APBB1: variants seen among roughly 807,000 people sequenced by gnomAD.
APBB1 encodes the protein adaptor protein FE65a2.
In APBB1, 22 loss-of-function variants were observed where a neutral mutation model predicts 78.4. The ratio of observed to expected loss-of-function variants is 0.28; its 90% CI spans 0.20 to 0.40. The LOEUF (loss-of-function observed/expected upper bound fraction) is 0.40. Among genes scored for constraint, APBB1 ranks in the 10% least tolerant of loss-of-function variants. The probability of loss-of-function intolerance (pLI) is 1.00; values close to 1 mark genes in which losing one functional copy is unlikely to be tolerated. For missense variants in APBB1, 749 were observed against 932.4 expected (o/e 0.80, Z 2.56); for synonymous variants, 369 against 372.7 (o/e 0.99, Z 0.12).
intron 8 of APBB1, 34 bp from the exon 9 acceptor site, chr11:6,402,016 G>A: frequency 1.2e-5 from 19 of 1,599,040 alleles, no homozygotes; most frequent in Non-Finnish European, 1.6e-5. Flanking sequence ...GCAAATAACA[G>A]AGTTAGAGAG....
At position 6,395,762 on chromosome 11, in the gene APBB1, C is replaced by T. The variant is rs1488435309; in HGVS notation, c.1965+24G>A. ...ACCTCCCATGGGGCCACGCCACCAC[C>T]ACACCACCCTACTAGTAGCTTACCA... On this transcript the variant is annotated intron_variant, in intron 14 of 14. Transcript: ENST00000609360. The surrounding 1 kb of genome is among the most constrained non-coding windows in gnomAD (Gnocchi z 5.2). 1 of 1,606,862 alleles carries T rather than the reference C, an allele frequency of 6.2e-7. No homozygotes were observed. Among genetic ancestry groups the T allele is most frequent in the Admixed American group, 1.7e-5 (1 of 59,470 alleles).
intron 1 of APBB1, among the ~76,000 whole-genome samples, chr11:6,417,680 T>C (rs931388754): frequency 4.6e-5 from 7 of 152,180 alleles, no homozygotes; most frequent in Non-Finnish European, 8.8e-5. Flanking sequence ...TTAACTTTGG[T>C]GGCAGTGAGG....
At chr11:6,417,633 T>G (rs1849153278) in intron 1 of APBB1, among the ~76,000 whole-genome samples, 1 of 152,212 alleles carries the variant, frequency 6.6e-6, no homozygotes, top group South Asian at 2.1e-4. Context: ...GGTATGCTAT[T>G]AAAGTAGTCA....
At chr11:6,397,885 G>A (rs1001059431) in intron 12 of APBB1, among the ~76,000 whole-genome samples, 11 of 152,256 alleles carry the variant, frequency 7.2e-5, no homozygotes, top group African/African-American at 2.7e-4. Flanking sequence ...GTAAAACCAA[G>A]TGTCACAGAA....
chr11:6,395,431 G>A lies in APBB1; in HGVS notation c.*103C>T. 1.6e-6 allele frequency: 2 copies of A among 1,282,362 alleles called. No homozygotes were observed. Among genetic ancestry groups the A allele is most frequent in the Non-Finnish European group, 2.1e-6 (2 of 968,414 alleles). 79.4% of individuals were successfully genotyped at this position (1,282,362 alleles called of 1,614,324 possible). A position where few individuals can be genotyped will look rare whatever the true frequency, so the allele number is the denominator to read the frequency against. On this transcript the variant is annotated 3_prime_UTR_variant, in exon 15 of 15. Transcript: ENST00000609360. This position sits in a 1 kb window ranked among gnomAD's most constrained non-coding sequence, Gnocchi z 5.2. ...TAGCTACTGGGGAGGGGCATATTTG[G>A]GAGGCCTGAGGCCTAGGAATAGCCT...
At position 6,395,290 on chromosome 11, in the gene APBB1, T is replaced by C. The variant is rs1322922838; in HGVS notation, c.*244A>G. ...TTCCTCCTGTTCCACCTGAAACACA[T>C]GGGGATGGAGAACCAGGGCTGGCCT... On this transcript the variant is annotated 3_prime_UTR_variant, in exon 15 of 15. Coordinates refer to ENST00000609360, the MANE Select transcript of APBB1 (RefSeq NM_001164.5). This position sits in a 1 kb window ranked among gnomAD's most constrained non-coding sequence, Gnocchi z 5.2. 2 of 396,618 alleles carry C rather than the reference T, an allele frequency of 5.0e-6. No homozygotes were observed. The highest frequency in any genetic ancestry group is 8.9e-6 in the Non-Finnish European group (2 of 223,498). The allele number at this position is 396,618 out of a possible 1,614,324, so 24.6% of individuals were successfully genotyped here.
At chr11:6,398,370 G>C (rs140644216) in intron 12 of APBB1, among the ~76,000 whole-genome samples, 1 of 152,310 alleles carries the variant, frequency 6.6e-6, no homozygotes, top group Non-Finnish European at 1.5e-5. Flanking sequence ...AGCTAGAATA[G>C]TGCCTGACAT....
At chr11:6,399,814 C>T (rs1332412983) in intron 12 of APBB1, among the ~76,000 whole-genome samples, 2 of 152,328 alleles carry the variant, frequency 1.3e-5, no homozygotes, top group East Asian at 1.9e-4. Context: ...AGCTGTCGGC[C>T]TCATCTTGCA....
In APBB1 at chr11:6,403,035, T is replaced by A; in HGVS notation, c.1104+110A>T. On this transcript the variant is annotated intron_variant, in intron 6 of 14. Coordinates refer to ENST00000609360, the MANE Select transcript of APBB1 (RefSeq NM_001164.5). This position sits in a 1 kb window ranked among gnomAD's most constrained non-coding sequence, Gnocchi z 5.3. ...TCTGTGCTGAGACTGGAAGAACTCC[T>A]AACTCAGGACCTGGGGAACTGCGCT... is the stretch of plus-strand genomic sequence containing the variant. 9.1e-7 allele frequency: 1 copy of A among 1,099,514 alleles called. No homozygotes were observed. The highest frequency in any genetic ancestry group is 1.3e-6 in the Non-Finnish European group (1 of 757,686). The allele number at this position is 1,099,514 out of a possible 1,614,324, so 68.1% of individuals were successfully genotyped here. A position where few individuals can be genotyped will look rare whatever the true frequency, so the allele number is the denominator to read the frequency against.
At chr11:6,404,467 C>T (rs1590778878) in intron 2 of APBB1, 5 of 1,015,282 alleles carry the variant, frequency 4.9e-6, no homozygotes, top group Admixed American at 2.2e-5. Context: ...GTGTGGGTAC[C>T]ACACACACAG....
intron 2 of APBB1, among the ~76,000 whole-genome samples, chr11:6,407,825 T>C (rs1290667427): frequency 6.7e-6 from 1 of 149,590 alleles, no homozygotes; most frequent in Admixed American, 6.6e-5. Context: ...CGGGCCGGAC[T>C]GCGGACTGCA....
chr11:6,413,120 C>CT (rs1164448084), intron 1 of APBB1, among the ~76,000 whole-genome samples: 6 of 152,132 alleles, frequency 3.9e-5, no homozygotes, highest in African/African-American at 1.2e-4. Flanking sequence ...CCCTCACCAG[C>CT]CCCCGATTTC....
chr11:6,400,900 T>A (rs1268819566), intron 12 of APBB1, 89 bp downstream of exon 12: 1 of 1,200,780 alleles, frequency 8.3e-7, no homozygotes, highest in East Asian at 2.3e-5. Context: ...ATGAGGAAGG[T>A]CTGGTAGAAG....
chr11:6,403,230 T>A lies in APBB1; in HGVS notation c.1041-22A>T. The A allele has an allele frequency of 6.2e-7, 1 of 1,612,212 alleles. No homozygotes were observed. ...TGGGCTGAAGGCAGATGGTAATACTTGGCACAGGGCTCCCATAAATGGAGC... is the reference window on the plus strand; with the variant it reads ...TGGGCTGAAGGCAGATGGTAATACTAGGCACAGGGCTCCCATAAATGGAGC... On this transcript the variant is annotated intron_variant, in intron 5 of 14. Coordinates refer to ENST00000609360, the MANE Select transcript of APBB1 (RefSeq NM_001164.5). This position sits in a 1 kb window ranked among gnomAD's most constrained non-coding sequence, Gnocchi z 5.3.
At chr11:6,404,783 T>C in intron 2 of APBB1, 1 of 1,536,196 alleles carries the variant, frequency 6.5e-7, no homozygotes, top group Non-Finnish European at 8.7e-7. Context: ...CAGGAAAAAG[T>C]CCTGGGAGAA....
At chr11:6,400,136 T>G (rs1340430838) in intron 12 of APBB1, among the ~76,000 whole-genome samples, 1 of 152,208 alleles carries the variant, frequency 6.6e-6, no homozygotes, top group Non-Finnish European at 1.5e-5. Flanking sequence ...CTGTGGCCAC[T>G]GTTCTCCCTG....
intron 12 of APBB1, among the ~76,000 whole-genome samples, chr11:6,398,462 A>T (rs1848338670): frequency 6.6e-6 from 1 of 152,260 alleles, no homozygotes; most frequent in African/African-American, 2.4e-5. Context: ...GCTAATGTTT[A>T]AAAACGAGCA....
At chr11:6,405,541 G>A (rs1848767613) in intron 2 of APBB1, 2 of 985,924 alleles carry the variant, frequency 2.0e-6, no homozygotes, top group South Asian at 4.7e-5. Context: ...GCAGTCCCAA[G>A]ACCCTGCTGC....
At chr11:6,407,773 ATTT>A (rs34560475) in intron 2 of APBB1, among the ~76,000 whole-genome samples, 2 of 137,728 alleles carry the variant, frequency 1.5e-5, no homozygotes, top group Non-Finnish European at 1.6e-5. Context: ...TAGTAGAAGT[ATTT>A]TTTTTTTTTT....
Sources: gnomAD v4.1 joint callset for allele counts (sites outside exome capture counted in the v4.1 genomes callset) on GRCh38, gnomAD v4.1.1 for gene constraint, Gnocchi (gnomAD v3.1) non-coding constraint, MANE v1.5 for transcripts, NCBI Gene and HGNC (gene_info 2026-07-23, HGNC 2026-07-21) for gene names.